CSPP1: variants seen among roughly 807,000 people sequenced by gnomAD.
CSPP1 encodes the protein centrosome and spindle pole associated protein 1.
In CSPP1, 126 loss-of-function variants were observed where a neutral mutation model predicts 164.4. The observed-to-expected ratio is 0.77, with a 90% confidence interval of 0.66 to 0.89. CSPP1 has a LOEUF of 0.89. CSPP1 is among the 40% of genes least tolerant of loss of function. The pLI, the probability that CSPP1 is intolerant of heterozygous loss-of-function variation, is 0.00. For missense variants in CSPP1, 1,395 were observed against 1,449.8 expected (o/e 0.96, Z 0.61); for synonymous variants, 472 against 476.7 (o/e 0.99, Z 0.13).
rs762753703 is a variant in CSPP1, at chr8:67,074,239, A to T, written c.-10-4A>T. ...GATACGCTCACTGAAATTTTTTTTT[A>T]AAGAATCTGCAAAATGGCTGATAAT... On this transcript the variant is annotated splice_region_variant and splice_polypyrimidine_tract_variant and intron_variant, in intron 1 of 30. Transcript: ENST00000678616. The T allele has an allele frequency of 1.2e-5, 19 of 1,566,102 alleles. No individual in the cohort carries two copies. Among genetic ancestry groups the T allele is most frequent in the African/African-American group, 8.2e-5 (6 of 73,348 alleles).
chr8:67,108,401 CAAA>C (rs536563215), intron 9 of CSPP1, among the ~76,000 whole-genome samples: 19 of 115,904 alleles, frequency 1.6e-4, no homozygotes, highest in Admixed American at 2.6e-4. Flanking sequence ...GACCCTGTGT[CAAA>C]AAAAAAAAAA....
chr8:67,109,202 T>C (rs1480461589), intron 9 of CSPP1, among the ~76,000 whole-genome samples: 1 of 152,184 alleles, frequency 6.6e-6, no homozygotes, highest in African/African-American at 2.4e-5. Context: ...TTCAGGTTGT[T>C]GGCAGAATTC....
intron 19 of CSPP1, among the ~76,000 whole-genome samples, chr8:67,156,816 T>C (rs148732426): frequency 1.2e-3 from 184 of 152,346 alleles, no homozygotes; most frequent in African/African-American, 4.3e-3. Flanking sequence ...TTGACATTTT[T>C]AACCACAGCT....
At chr8:67,169,456 A>AC (rs1830070355) in intron 24 of CSPP1, among the ~76,000 whole-genome samples, 1 of 151,912 alleles carries the variant, frequency 6.6e-6, no homozygotes. Context: ...TTTTATTTTT[A>AC]TTTTTTTGAG....
In CSPP1 at chr8:67,131,011, T is replaced by G. The variant is rs546158681; in HGVS notation, c.1698-940T>G. On this transcript the variant is annotated intron_variant, in intron 15 of 30. Transcript: ENST00000678616. ...CTCAAAACAAAAGAAAACAAAAAAT[T>G]ATAAAATCAGTATTTGAATTTATCT... Among the ~76,000 whole-genome samples the G allele has an allele frequency of 2.6e-5, 4 of 152,172 alleles. No individual in the cohort carries two copies. The East Asian group carries it at 7.7e-4, about 29-fold the overall frequency.
chr8:67,138,196 A>G (rs1822747714), intron 17 of CSPP1, among the ~76,000 whole-genome samples: 1 of 152,148 alleles, frequency 6.6e-6, no homozygotes, highest in Admixed American at 6.5e-5. Context: ...GCTTTATACA[A>G]CTTGTTATAT....
In CSPP1 at chr8:67,195,406, C is replaced by G; in HGVS notation, c.3494C>G (p.Pro1165Arg). 1 of 1,613,868 alleles carries G rather than the reference C, an allele frequency of 6.2e-7. No individual in the cohort carries two copies. Among genetic ancestry groups the G allele is most frequent in the East Asian group, 2.2e-5 (1 of 44,906 alleles). Reference protein sequence around the residue: ...NTDDESSLVDPDDIMKHIGDD... With the variant: ...NTDDESSLVDRDDIMKHIGDD... ...GATGATGAGAGTTCACTGGTTGACC[C>G]TGATGACATCATGAAACACATAGGG... The change falls in exon 31 of 31, where the codon CCT becomes CGT. Residue 1165 changes from proline to arginine, a missense_variant. Transcript: ENST00000678616.
intron 1 of CSPP1, among the ~76,000 whole-genome samples, chr8:67,072,878 A>G (rs979481903): frequency 6.6e-6 from 1 of 151,580 alleles, no homozygotes; most frequent in Non-Finnish European, 1.5e-5. Flanking sequence ...TCAAAAAAAA[A>G]AAAAAAAAAA....
chr8:67,121,934 G>A (rs1362914969), intron 15 of CSPP1, among the ~76,000 whole-genome samples: 2 of 151,896 alleles, frequency 1.3e-5, no homozygotes, highest in African/African-American at 2.4e-5. Flanking sequence ...TAGGTTATCC[G>A]ATTTGTTGGC....
rs59634730 is a variant in CSPP1 at position 67,116,253 on chromosome 8, A to G, written c.1496+131A>G. 0.072 allele frequency: 44,751 copies of G among 625,146 alleles called. 3,924 individuals carry two copies. Among genetic ancestry groups the G allele is most frequent in the African/African-American group, 0.33 (17,897 of 54,802 alleles). 38.7% of individuals were successfully genotyped at this position (625,146 alleles called of 1,614,324 possible). ...TACAGTTAACAGTTTTGTGAAATAA[A>G]TTCTCTTGAAATTTGTTTTTTTCTC... On this transcript the variant is annotated intron_variant, in intron 13 of 30. Transcript: ENST00000678616.
intron 3 of CSPP1, 126 bp from the exon 4 acceptor site, chr8:67,085,881 A>T (rs1470559239): frequency 8.2e-6 from 5 of 608,018 alleles, no homozygotes; most frequent in Non-Finnish European, 1.5e-5. Context: ...TAAGTAAAAA[A>T]CTTACCCTAA....
At chr8:67,118,115 G>A in intron 13 of CSPP1, 133 bp from the exon 14 acceptor site, 1 of 868,958 alleles carries the variant, frequency 1.2e-6, no homozygotes, top group Non-Finnish European at 1.8e-6. Context: ...GTGAATGATT[G>A]GAGCAAGATG....
chr8:67,181,927 T>C (rs1833156142), intron 28 of CSPP1, among the ~76,000 whole-genome samples: 2 of 152,226 alleles, frequency 1.3e-5, no homozygotes, highest in African/African-American at 4.8e-5. Context: ...ATACAGTATC[T>C]ATCCTTTGAT....
chr8:67,192,860 T>G (rs572593309), intron 29 of CSPP1, among the ~76,000 whole-genome samples: 1 of 152,354 alleles, frequency 6.6e-6, no homozygotes, highest in South Asian at 2.1e-4. Context: ...TGTCTTTTCT[T>G]ATGTCAGTAC....
intron 7 of CSPP1, among the ~76,000 whole-genome samples, chr8:67,096,844 G>A (rs1471395989): frequency 1.3e-5 from 2 of 152,130 alleles, no homozygotes; most frequent in Non-Finnish European, 2.9e-5. Context: ...CAGCCTGGGC[G>A]ACAGAGCGAG....
chr8:67,137,844 G>T (rs1210849185), intron 17 of CSPP1, among the ~76,000 whole-genome samples: 1 of 152,100 alleles, frequency 6.6e-6, no homozygotes, highest in African/African-American at 2.4e-5. Flanking sequence ...TGATAACCCA[G>T]TTGCAGAGAA....
intron 8 of CSPP1, among the ~76,000 whole-genome samples, chr8:67,104,794 C>A (rs754274867): frequency 6.8e-6 from 1 of 147,028 alleles, no homozygotes; most frequent in South Asian, 2.2e-4. Context: ...TGTGTCACCA[C>A]GCCTGGCTAA....
At chr8:67,092,675 C>T (rs1811873089) in intron 5 of CSPP1, among the ~76,000 whole-genome samples, 1 of 152,112 alleles carries the variant, frequency 6.6e-6, no homozygotes, top group Non-Finnish European at 1.5e-5. Flanking sequence ...GAGCTCCTGA[C>T]CTCGTGATCC....
intron 18 of CSPP1, among the ~76,000 whole-genome samples, chr8:67,151,865 G>A (rs909626622): frequency 1.3e-5 from 2 of 151,948 alleles, no homozygotes; most frequent in African/African-American, 2.4e-5. Flanking sequence ...TGAGGCAGGC[G>A]GATCATGAGG....
Sources: gnomAD v4.1 joint callset for allele counts (sites outside exome capture counted in the v4.1 genomes callset) on GRCh38, gnomAD v4.1.1 for gene constraint, MANE v1.5 for transcripts, NCBI Gene and HGNC (gene_info 2026-07-23, HGNC 2026-07-21) for gene names.